Variants in MAML3 observed in about 807,000 individuals in gnomAD.
MAML3 encodes mastermind-like protein 3.
MAML3 carries 27 observed loss-of-function variants against 101.9 expected under a neutral mutation model. That is an observed-to-expected ratio of 0.27 (90% CI 0.20 to 0.37). The LOEUF is 0.37. Among genes scored for constraint, MAML3 ranks in the 10% least tolerant of loss-of-function variants. The probability of loss-of-function intolerance (pLI) is 1.00; values close to 1 mark genes in which losing one functional copy is unlikely to be tolerated. For synonymous variants in MAML3, 501 were observed against 555.9 expected, an observed-to-expected ratio of 0.90 and a Z score of 1.39; for missense variants, 1,316 against 1,444.9, an observed-to-expected ratio of 0.91 and a Z score of 1.45.
intron 2 of MAML3, among the ~76,000 whole-genome samples, chr4:139,861,269 G>T (rs1731777101): frequency 1.3e-5 from 2 of 151,854 alleles, no homozygotes; most frequent in African/African-American, 4.8e-5. Context: ...TTAAATGTTG[G>T]CATTCCCGAA....
intron 2 of MAML3, among the ~76,000 whole-genome samples, chr4:139,763,558 C>CT (rs1468947246): frequency 2.0e-5 from 3 of 152,020 alleles, no homozygotes; most frequent in African/African-American, 7.2e-5. Flanking sequence ...CTTCAATTGC[C>CT]AAAATAAACA....
At chr4:139,988,093 G>A (rs1232430423) in intron 1 of MAML3, among the ~76,000 whole-genome samples, 2 of 148,064 alleles carry the variant, frequency 1.4e-5, no homozygotes, top group East Asian at 2.0e-4. Context: ...TTAGTAGGCC[G>A]AGGCGGGCGG....
chr4:139,764,870 C>T (rs1245307483), intron 2 of MAML3, among the ~76,000 whole-genome samples: 7 of 152,228 alleles, frequency 4.6e-5, no homozygotes, highest in Admixed American at 3.3e-4. Context: ...GGCTCACTGC[C>T]GGCATCGCGG....
chr4:139,769,490 G>A (rs543479126), intron 2 of MAML3, among the ~76,000 whole-genome samples: 70 of 152,290 alleles, frequency 4.6e-4, no homozygotes, highest in African/African-American at 1.6e-3. Context: ...ACTATTTTGA[G>A]TGGTATATCT....
At chr4:139,748,958 G>C (rs1365388203) in intron 2 of MAML3, among the ~76,000 whole-genome samples, 4 of 152,180 alleles carry the variant, frequency 2.6e-5, no homozygotes, top group Non-Finnish European at 4.4e-5. Context: ...TTGGTGAATA[G>C]AGTGTGGGCA....
intron 1 of MAML3, among the ~76,000 whole-genome samples, chr4:140,005,352 C>T (rs1054388582): frequency 6.6e-6 from 1 of 152,166 alleles, no homozygotes; most frequent in African/African-American, 2.4e-5. Flanking sequence ...TTCAGAAGAA[C>T]TGAAATAAAA....
At chr4:140,011,380 C>G (rs1434317197) in intron 1 of MAML3, among the ~76,000 whole-genome samples, 1 of 131,366 alleles carries the variant, frequency 7.6e-6, no homozygotes, top group Non-Finnish European at 1.6e-5. Flanking sequence ...CTCTGTCGCC[C>G]AGGCCGGACT....
chr4:140,050,905 G>A (rs2110922357), intron 1 of MAML3, among the ~76,000 whole-genome samples: 1 of 152,292 alleles, frequency 6.6e-6, no homozygotes, highest in Middle Eastern at 3.4e-3. Flanking sequence ...AGTATCCACT[G>A]AATTTTGCTA....
intron 1 of MAML3, among the ~76,000 whole-genome samples, chr4:140,120,445 T>C (rs895203361): frequency 6.6e-6 from 1 of 152,240 alleles, no homozygotes; most frequent in Non-Finnish European, 1.5e-5. Context: ...ATTCTTGATA[T>C]GATATCATTT....
chr4:139,830,802 C>T (rs1332352527), intron 2 of MAML3, among the ~76,000 whole-genome samples: 1 of 151,988 alleles, frequency 6.6e-6, no homozygotes, highest in East Asian at 1.9e-4. Flanking sequence ...GCCAATGATC[C>T]CATGAACAAT....
chr4:140,071,787 G>GAGA (rs1265006286), intron 1 of MAML3, among the ~76,000 whole-genome samples: 1 of 151,264 alleles, frequency 6.6e-6, no homozygotes, highest in African/African-American at 2.4e-5. Context: ...GAGAGAGAGA[G>GAGA]AAGGCACGCA....
At chr4:139,763,605 A>G (rs1333713800) in intron 2 of MAML3, among the ~76,000 whole-genome samples, 1 of 88,262 alleles carries the variant, frequency 1.1e-5, no homozygotes, top group African/African-American at 3.2e-5. Flanking sequence ...AATCCTGTTC[A>G]GCATTGGATT....
chr4:139,983,350 A>G (rs1399487017), intron 1 of MAML3, among the ~76,000 whole-genome samples: 1 of 152,230 alleles, frequency 6.6e-6, no homozygotes, highest in Non-Finnish European at 1.5e-5. Flanking sequence ...AAATAGAATC[A>G]TACAATATAT....
intron 1 of MAML3, among the ~76,000 whole-genome samples, chr4:139,919,143 T>C (rs1733078945): frequency 6.6e-6 from 1 of 152,076 alleles, no homozygotes; most frequent in African/African-American, 2.4e-5. Context: ...CAAGAGATGC[T>C]GGAATGAGTT....
chr4:139,850,077 A>G (rs112383282), intron 2 of MAML3, among the ~76,000 whole-genome samples: 120 of 152,284 alleles, frequency 7.9e-4, no homozygotes, highest in African/African-American at 2.7e-3. Context: ...GCCTGACACT[A>G]AATTTTATTC....
intron 1 of MAML3, among the ~76,000 whole-genome samples, chr4:139,937,962 T>C (rs1733538506): frequency 6.6e-6 from 1 of 152,194 alleles, no homozygotes; most frequent in Admixed American, 6.5e-5. Context: ...TCCCTTGCTG[T>C]ATTCTGAGGC....
chr4:140,088,096 G>A (rs543973146), intron 1 of MAML3, among the ~76,000 whole-genome samples: 11 of 152,076 alleles, frequency 7.2e-5, no homozygotes, highest in Non-Finnish European at 1.0e-4. Context: ...CGGGCATAGC[G>A]GTGCACACCT....
intron 1 of MAML3, among the ~76,000 whole-genome samples, chr4:139,946,913 A>ACTCT (rs1185469088): frequency 1.6e-5 from 2 of 122,054 alleles, no homozygotes; most frequent in African/African-American, 7.2e-5. Flanking sequence ...ACACACACAC[A>ACTCT]CACACACACA....
chr4:139,758,729 T>C (rs186614260), intron 2 of MAML3, among the ~76,000 whole-genome samples: 2 of 152,364 alleles, frequency 1.3e-5, no homozygotes, highest in Admixed American at 1.3e-4. Flanking sequence ...ACCTTATCCA[T>C]GTCATCTGAT....
Sources: gnomAD v4.1 joint callset for allele counts (sites outside exome capture counted in the v4.1 genomes callset) on GRCh38, gnomAD v4.1.1 for gene constraint, MANE v1.5 for transcripts, NCBI Gene and HGNC (gene_info 2026-07-23, HGNC 2026-07-21) for gene names.